The following SV2C variants were observed in gnomAD, a reference collection of about 807,000 sequenced individuals.
SV2C encodes synaptic vesicle glycoprotein 2C.
Under a neutral mutation model 79.7 loss-of-function variants are expected in SV2C, and 49 were observed. That is an observed-to-expected ratio of 0.61 (90% confidence interval 0.49 to 0.78). The LOEUF is 0.78. Ranked by LOEUF, SV2C falls within the 30% of genes least tolerant of loss-of-function variation. SV2C has a pLI of 0.00. For synonymous variants in SV2C, 334 were observed against 333.2 expected, an observed-to-expected ratio of 1.00 and a Z score of -0.03; for missense variants, 833 against 912.9, an observed-to-expected ratio of 0.91 and a Z score of 1.13.
rs11336133 is a variant in SV2C, at chr5:76,235,180, CAAAA to C, written c.913+25306_913+25309del. On this transcript the variant is annotated intron_variant, in intron 4 of 12. Coordinates refer to ENST00000502798, the MANE Select transcript of SV2C (RefSeq NM_014979.4). ...GGAGAATTATCCATGGAGAAAAGGGCAAAAAAAAAAAAAAAAGGAAGTAAAGTAG... is the reference window on the plus strand; with the variant it reads ...GGAGAATTATCCATGGAGAAAAGGGCAAAAAAAAAAAAGGAAGTAAAGTAG... 8.5e-3 allele frequency among the ~76,000 whole-genome samples: 1,108 copies of C among 131,028 alleles called. 7 individuals are homozygous for C. The highest frequency in any genetic ancestry group is 0.068 in the Middle Eastern group (18 of 266). 86.0% of individuals were successfully genotyped at this position (131,028 alleles called of 152,430 possible).
chr5:76,043,960 T>C, the SV2C span, among the ~76,000 whole-genome samples: 3 of 152,186 alleles, frequency 2.0e-5, no homozygotes, highest in African/African-American at 4.8e-5. Context: ...AGGTTTGTTA[T>C]ATAGGCAAAT....
the SV2C span, among the ~76,000 whole-genome samples, chr5:75,894,317 G>A: frequency 5.9e-5 from 9 of 152,004 alleles, no homozygotes; most frequent in African/African-American, 2.2e-4. Context: ...TTAAAAGTTT[G>A]CAGCAATCCA....
chr5:76,280,237 C>T (rs761198827), intron 4 of SV2C, among the ~76,000 whole-genome samples: 1 of 151,760 alleles, frequency 6.6e-6, no homozygotes, highest in Non-Finnish European at 1.5e-5. Flanking sequence ...GAGAGAGAGA[C>T]ACCACCAGCA....
chr5:75,896,908 TG>T, the SV2C span, among the ~76,000 whole-genome samples: 2 of 146,666 alleles, frequency 1.4e-5, no homozygotes, highest in Non-Finnish European at 2.9e-5. Context: ...CACTTTTTGA[TG>T]GGGTTGTTTG....
the SV2C span, among the ~76,000 whole-genome samples, chr5:75,949,336 C>A: frequency 2.0e-5 from 3 of 151,968 alleles, no homozygotes; most frequent in African/African-American, 7.2e-5. Context: ...GACTTAGGGA[C>A]CCATTGGTGG....
At chr5:76,004,564 A>G in the SV2C span, among the ~76,000 whole-genome samples, 3 of 152,212 alleles carry the variant, frequency 2.0e-5, no homozygotes, top group South Asian at 2.1e-4. Context: ...GAGGCCCACA[A>G]TCTTGGGGCT....
chr5:75,995,678 A>C, the SV2C span, among the ~76,000 whole-genome samples: 71,014 of 151,474 alleles, frequency 0.47, 17,314 homozygotes, highest in Middle Eastern at 0.64. Context: ...CTTTGACTCG[A>C]TCTAAGTATT....
chr5:76,096,114 T>C (rs1029105232), intron 1 of SV2C, among the ~76,000 whole-genome samples: 1 of 152,132 alleles, frequency 6.6e-6, no homozygotes, highest in African/African-American at 2.4e-5. Context: ...GAAATACACA[T>C]TGGTATGATT....
the SV2C span, among the ~76,000 whole-genome samples, chr5:75,963,075 GCATGGA>G: frequency 1.1e-4 from 16 of 152,064 alleles, no homozygotes; most frequent in Non-Finnish European, 2.2e-4. Context: ...TTGAGGAAAG[GCATGGA>G]CACTCCTCCC....
rs994604275 is a variant in SV2C, at chr5:76,120,311, AT to A, written c.-101-11331del. Among the ~76,000 whole-genome samples the A allele has an allele frequency of 1.0e-4, 15 of 149,342 alleles. No homozygotes were observed. In the East Asian group the frequency reaches 1.8e-3, roughly 18 times the overall value. ...TTTTTTTTTCAGCTACGCATCAAAG[AT>A]TTTTTTTGTTTTGTTTTTTGTTTTG... On this transcript the variant is annotated intron_variant, in intron 1 of 12. Coordinates refer to ENST00000502798, the MANE Select transcript of SV2C (RefSeq NM_014979.4).
chr5:75,847,721 T>C, the SV2C span, among the ~76,000 whole-genome samples: 8 of 152,124 alleles, frequency 5.3e-5, no homozygotes, highest in Non-Finnish European at 1.0e-4. Flanking sequence ...TTTGAGGAAA[T>C]GAAAGGTTTG....
chr5:76,094,520 T>G (rs772206441), intron 1 of SV2C, among the ~76,000 whole-genome samples: 1 of 152,210 alleles, frequency 6.6e-6, no homozygotes. Context: ...GCTGAATGCA[T>G]AGTATTACAT....
At chr5:75,871,475 G>A in the SV2C span, among the ~76,000 whole-genome samples, 1 of 151,968 alleles carries the variant, frequency 6.6e-6, no homozygotes, top group Non-Finnish European at 1.5e-5. Flanking sequence ...CCAAAAGTAA[G>A]GAAAAACTAT....
intron 4 of SV2C, among the ~76,000 whole-genome samples, chr5:76,248,726 C>G (rs1746023171): frequency 6.6e-6 from 1 of 151,972 alleles, no homozygotes; most frequent in Non-Finnish European, 1.5e-5. Context: ...CCAAGTCATC[C>G]TCCCACCTCA....
chr5:75,945,490 A>AT, the SV2C span, among the ~76,000 whole-genome samples: 9 of 150,970 alleles, frequency 6.0e-5, no homozygotes, highest in Non-Finnish European at 1.2e-4. Flanking sequence ...TATTATTATT[A>AT]TTTTTTTTGG....
chr5:75,991,566 GAT>G, the SV2C span, among the ~76,000 whole-genome samples: 75,502 of 140,132 alleles, frequency 0.54, 20,498 homozygotes, highest in East Asian at 0.66. Context: ...TTCTTAGCAA[GAT>G]ATATATATAT....
the SV2C span, among the ~76,000 whole-genome samples, chr5:76,049,024 A>AAAGAAAGAAAGAAAGAAAGAG: frequency 0.039 from 4,649 of 120,516 alleles, 385 homozygotes; most frequent in East Asian, 0.093. Flanking sequence ...AGAAAGAAAG[A>AAAGAAAGAAAGAAAGAAAGAG]AAAAGAAAAG....
At chr5:76,028,732 A>G in the SV2C span, among the ~76,000 whole-genome samples, 3 of 152,158 alleles carry the variant, frequency 2.0e-5, no homozygotes, top group Non-Finnish European at 2.9e-5. Context: ...ACACTTTAGG[A>G]TGGATAATTT....
the SV2C span, among the ~76,000 whole-genome samples, chr5:75,966,677 T>G: frequency 1.3e-5 from 2 of 152,232 alleles, no homozygotes; most frequent in African/African-American, 2.4e-5. Context: ...CTACTCTGGG[T>G]GCACAGCCTA....
Sources: allele counts gnomAD v4.1 joint callset (sites outside exome capture counted in the v4.1 genomes callset), GRCh38; gene constraint gnomAD v4.1.1; transcripts MANE v1.5; gene names NCBI Gene and HGNC (gene_info 2026-07-23, HGNC 2026-07-21).